Variants in NAV2 observed in about 807,000 individuals in gnomAD.
NAV2 encodes neuron navigator 2, also known as helicase, APC down-regulated 1.
NAV2 carries 54 observed loss-of-function variants against 223.2 expected under a neutral mutation model. The observed-to-expected ratio is 0.24, with a 90% CI of 0.19 to 0.30. NAV2 has a LOEUF of 0.30. Among genes scored for constraint, NAV2 ranks in the 10% least tolerant of loss-of-function variants. The pLI is 1.00. For synonymous variants in NAV2, 1,279 were observed against 1,239.3 expected, an observed-to-expected ratio of 1.03 and a Z score of -0.67; for missense variants, 2,806 against 3,147.5, an observed-to-expected ratio of 0.89 and a Z score of 2.60.
At chr11:19,919,507 C>G (rs1227371893) in intron 6 of NAV2, among the ~76,000 whole-genome samples, 2 of 152,092 alleles carry the variant, frequency 1.3e-5, no homozygotes, top group South Asian at 2.1e-4. Flanking sequence ...GGCACAGGGC[C>G]CTGGCTCAGA....
chr11:19,797,502 A>T lies in NAV2; in HGVS notation c.268-34982A>T, dbSNP rs559486123. ...AAGGGTCAACTTGTAAATGCCATTC[A>T]TTCTCTCTTTTTCTTTTCTGTGCTA... is the stretch of plus-strand genomic sequence containing the variant. On this transcript the variant is annotated intron_variant, in intron 1 of 37. Transcript: ENST00000349880. Among the ~76,000 whole-genome samples, 16 of 152,158 alleles carry T rather than the reference A, an allele frequency of 1.1e-4. No individual in the cohort carries two copies. The South Asian group carries it at 3.3e-3, about 32-fold the overall frequency.
chr11:19,969,101 G>C (rs755136945), intron 10 of NAV2, among the ~76,000 whole-genome samples: 1 of 152,214 alleles, frequency 6.6e-6, no homozygotes, highest in Non-Finnish European at 1.5e-5. Context: ...CTGTGGTACT[G>C]TCCTGACCTA....
At chr11:19,732,526 G>C (rs2051887631) in intron 1 of NAV2, among the ~76,000 whole-genome samples, 1 of 152,202 alleles carries the variant, frequency 6.6e-6, no homozygotes, top group Non-Finnish European at 1.5e-5. Context: ...ACCTTGTGAG[G>C]TAGAAATTAT....
chr11:19,374,333 TA>T (rs751932779), intron 1 of NAV2, among the ~76,000 whole-genome samples: 1,794 of 110,502 alleles, frequency 0.016, 30 homozygotes, highest in African/African-American at 0.065. Flanking sequence ...TTTTTTTTTT[TA>T]AAATCAGCTA....
intron 10 of NAV2, among the ~76,000 whole-genome samples, chr11:19,963,585 G>C (rs1159477417): frequency 2.6e-5 from 4 of 152,174 alleles, no homozygotes; most frequent in Non-Finnish European, 5.9e-5. Context: ...AGTTATGTAG[G>C]AACTGAAAAA....
intron 1 of NAV2, among the ~76,000 whole-genome samples, chr11:19,745,019 C>A (rs1483220797): frequency 6.6e-6 from 1 of 152,206 alleles, no homozygotes; most frequent in Non-Finnish European, 1.5e-5. Flanking sequence ...GATCAAAGTA[C>A]ATGCTTTTTA....
At chr11:19,862,916 TTTC>T (rs1207112824) in intron 3 of NAV2, among the ~76,000 whole-genome samples, 2 of 152,232 alleles carry the variant, frequency 1.3e-5, no homozygotes, top group East Asian at 3.8e-4. Context: ...TCATAGTTTT[TTTC>T]TTCTTTTTTA....
At chr11:19,489,750 G>T (rs2042562567) in intron 1 of NAV2, among the ~76,000 whole-genome samples, 2 of 152,154 alleles carry the variant, frequency 1.3e-5, no homozygotes, top group South Asian at 4.1e-4. Flanking sequence ...TCTGGCTATT[G>T]TTATAATATT....
intron 1 of NAV2, among the ~76,000 whole-genome samples, chr11:19,792,177 C>T (rs2057567868): frequency 6.6e-6 from 1 of 152,238 alleles, no homozygotes; most frequent in African/African-American, 2.4e-5. Context: ...CTGCATGTCT[C>T]TCCAACACAC....
chr11:19,501,566 G>C (rs140207410), intron 1 of NAV2, among the ~76,000 whole-genome samples: 112 of 152,194 alleles, frequency 7.4e-4, no homozygotes, highest in Non-Finnish European at 1.3e-3. Context: ...TCGCCTTTGA[G>C]TATGTTGAGC....
Position 20,114,758 on chromosome 11 carries a change from A to G in NAV2, c.7127A>G (p.Lys2376Arg). 6.2e-7 allele frequency: 1 copy of G among 1,614,022 alleles called. No individual in the cohort carries two copies. The highest frequency in any genetic ancestry group is 8.5e-7 in the Non-Finnish European group (1 of 1,179,976). Residue 2376 changes from lysine (K) to arginine (R), a missense_variant, in exon 37 of 38, where the codon AAG becomes AGG. Around this residue, in one of 4 missense-constraint regions of NAV2, gnomAD observed 824 missense variants for 1,069.4 expected, o/e 0.77. Transcript: ENST00000349880. ...YSMPREGSTS[K>R]QMPPSDAEGD... ...ATGCCTCGGGAGGGATCGACAAGCAAGCAGATGCCCCCCAGTGATGCTGAA... is the reference window on the plus strand; with the variant it reads ...ATGCCTCGGGAGGGATCGACAAGCAGGCAGATGCCCCCCAGTGATGCTGAA...
upstream of NAV2, among the ~76,000 whole-genome samples, chr11:19,710,621 C>CACACT (rs2049835709): frequency 6.6e-6 from 1 of 152,198 alleles, no homozygotes; most frequent in African/African-American, 2.4e-5. Flanking sequence ...CTCCAGGGAC[C>CACACT]ACACTTTGAG....
intron 1 of NAV2, among the ~76,000 whole-genome samples, chr11:19,676,075 A>G (rs761722507): frequency 3.9e-5 from 6 of 152,108 alleles, no homozygotes; most frequent in Non-Finnish European, 8.8e-5. Flanking sequence ...CCACCCTGAG[A>G]GCCTTGTTCT....
intron 11 of NAV2, among the ~76,000 whole-genome samples, chr11:20,002,497 G>A (rs568576364): frequency 2.2e-4 from 33 of 152,314 alleles, no homozygotes; most frequent in Non-Finnish European, 3.8e-4. Flanking sequence ...GGGTCAGAAG[G>A]AAGGCTTCCT....
chr11:19,456,268 G>A (rs1851956112), intron 1 of NAV2, among the ~76,000 whole-genome samples: 1 of 152,190 alleles, frequency 6.6e-6, no homozygotes, highest in Admixed American at 6.5e-5. Flanking sequence ...TCTTGAAGCA[G>A]CCATCTAAAG....
At chr11:20,035,179 G>A (rs1031890484) in intron 11 of NAV2, among the ~76,000 whole-genome samples, 6 of 151,962 alleles carry the variant, frequency 3.9e-5, no homozygotes, top group Admixed American at 6.6e-5. Context: ...AGCATTGACC[G>A]CACCATGAAC....
intron 1 of NAV2, among the ~76,000 whole-genome samples, chr11:19,458,459 G>A (rs1295136105): frequency 1.3e-5 from 2 of 152,230 alleles, no homozygotes; most frequent in African/African-American, 4.8e-5. Flanking sequence ...TATGCCTTGG[G>A]AAATTGCCCA....
chr11:19,503,711 G>T (rs1313893126), intron 1 of NAV2: 2 of 152,132 alleles, frequency 1.3e-5, no homozygotes, highest in Non-Finnish European at 2.9e-5. Flanking sequence ...AGGATGTCTT[G>T]GTTGCTTACA....
intron 36 of NAV2, among the ~76,000 whole-genome samples, chr11:20,113,533 T>A (rs2062808084): frequency 6.6e-6 from 1 of 152,154 alleles, no homozygotes; most frequent in African/African-American, 2.4e-5. Context: ...GATAATATAG[T>A]TTACTGTTTT....
Sources: allele counts gnomAD v4.1 joint callset (sites outside exome capture counted in the v4.1 genomes callset), GRCh38; gene constraint gnomAD v4.1.1; regional missense constraint gnomAD v4.1.1; transcripts MANE v1.5; gene names NCBI Gene and HGNC (gene_info 2026-07-23, HGNC 2026-07-21).